Variants in BMPR2 observed in about 807,000 individuals in gnomAD.
The protein encoded by BMPR2 is bone morphogenetic protein receptor type 2.
In BMPR2, 29 loss-of-function variants were observed where a neutral mutation model predicts 100.8. That is an observed-to-expected ratio of 0.29 (90% CI 0.21 to 0.39). The LOEUF (loss-of-function observed/expected upper bound fraction) is 0.39, where lower values mean the gene tolerates loss of function less well. BMPR2 is among the 10% of genes least tolerant of loss of function. BMPR2 has a pLI of 1.00. For missense variants in BMPR2, 1,011 were observed against 1,274.5 expected (o/e 0.79, Z 3.15); for synonymous variants, 382 against 442.3 (o/e 0.86, Z 1.71).
chr2:202,528,590 T>A (rs894007384), intron 7 of BMPR2, among the ~76,000 whole-genome samples: 1 of 152,258 alleles, frequency 6.6e-6, no homozygotes, highest in Non-Finnish European at 1.5e-5. Context: ...CTACTGAACA[T>A]CATAGCTTAG....
chr2:202,505,681 A>T (rs750241370), intron 3 of BMPR2, among the ~76,000 whole-genome samples: 2 of 152,292 alleles, frequency 1.3e-5, no homozygotes, highest in South Asian at 4.1e-4. Context: ...CTGGCACTCT[A>T]TAACCACTTT....
intron 3 of BMPR2, among the ~76,000 whole-genome samples, chr2:202,511,902 T>A (rs1337250904): frequency 1.3e-5 from 2 of 151,700 alleles, no homozygotes; most frequent in African/African-American, 4.8e-5. Flanking sequence ...AAACCTATAA[T>A]CCCAGCAACT....
rs1385238204 is a variant in BMPR2 at position 202,562,812 on chromosome 2, A to T, written c.*2866A>T. On this transcript the variant is annotated 3_prime_UTR_variant, in exon 13 of 13. Transcript: ENST00000374580. ...AAAAATGATTTAATTGTAAATTCTTAAAACTTTCTAAATGCATAATTGGCA... is the reference window on the plus strand; with the variant it reads ...AAAAATGATTTAATTGTAAATTCTTTAAACTTTCTAAATGCATAATTGGCA... 5 of 151,572 alleles carry T rather than the reference A, an allele frequency of 3.3e-5. No homozygotes were observed. In the East Asian group the frequency reaches 5.8e-4, roughly 18 times the overall value. 9.4% of individuals were successfully genotyped at this position (151,572 alleles called of 1,614,324 possible).
At chr2:202,464,673 T>A (rs1287245977) in intron 1 of BMPR2, 136 bp from the exon 2 acceptor site, 17 of 821,542 alleles carry the variant, frequency 2.1e-5, no homozygotes, top group Non-Finnish European at 3.1e-5. Flanking sequence ...AATGTAAAAT[T>A]AGAAATTTAT....
intron 3 of BMPR2, among the ~76,000 whole-genome samples, chr2:202,499,227 G>T (rs906633362): frequency 6.6e-6 from 1 of 152,136 alleles, no homozygotes; most frequent in Non-Finnish European, 1.5e-5. Flanking sequence ...GTCCTACAGG[G>T]TCTAGGGCAA....
intron 2 of BMPR2, among the ~76,000 whole-genome samples, chr2:202,465,250 A>G (rs1288453578): frequency 4.6e-5 from 7 of 151,776 alleles, no homozygotes; most frequent in Non-Finnish European, 8.8e-5. Context: ...TTAGTCGGGT[A>G]TGGTGGTGTG....
At chr2:202,469,676 G>C (rs1296657688) in intron 3 of BMPR2, 2 of 154,670 alleles carry the variant, frequency 1.3e-5, no homozygotes, top group Non-Finnish European at 2.9e-5. Flanking sequence ...ATGGGGTTTC[G>C]CTATGTTGGC....
At chr2:202,423,366 T>C (rs1691309503) in intron 1 of BMPR2, among the ~76,000 whole-genome samples, 1 of 152,174 alleles carries the variant, frequency 6.6e-6, no homozygotes, top group African/African-American at 2.4e-5. Context: ...GAGAAGGAGA[T>C]CAGAACTTGG....
At chr2:202,386,039 C>G (rs1276899182) in intron 1 of BMPR2, among the ~76,000 whole-genome samples, 1 of 152,044 alleles carries the variant, frequency 6.6e-6, no homozygotes, top group Non-Finnish European at 1.5e-5. Context: ...ACTATTCTCT[C>G]TTGATTTTTC....
chr2:202,422,393 G>A (rs1345782933), intron 1 of BMPR2, among the ~76,000 whole-genome samples: 9 of 152,012 alleles, frequency 5.9e-5, no homozygotes, highest in Non-Finnish European at 1.0e-4. Flanking sequence ...TGCAAACTCC[G>A]CCTCCCGGGT....
intron 10 of BMPR2, among the ~76,000 whole-genome samples, chr2:202,546,615 T>C (rs1440988735): frequency 6.6e-6 from 1 of 152,150 alleles, no homozygotes; most frequent in African/African-American, 2.4e-5. Flanking sequence ...TTTGTTTTTG[T>C]TTTTTTGAGA....
intron 10 of BMPR2, among the ~76,000 whole-genome samples, chr2:202,543,241 C>CATATATCTTTAT (rs1688313645): frequency 6.9e-6 from 1 of 144,888 alleles, no homozygotes; most frequent in African/African-American, 2.5e-5. Context: ...TATTTATATA[C>CATATATCTTTAT]ATATATATTT....
chr2:202,395,093 A>C (rs2105906242), intron 1 of BMPR2, among the ~76,000 whole-genome samples: 1 of 152,080 alleles, frequency 6.6e-6, no homozygotes. Flanking sequence ...CATATTGGCC[A>C]GGCTGGTCTT....
chr2:202,501,577 TGTA>T (rs1687395863), intron 3 of BMPR2, among the ~76,000 whole-genome samples: 1 of 152,162 alleles, frequency 6.6e-6, no homozygotes, highest in Non-Finnish European at 1.5e-5. Context: ...AGGAAATTGA[TGTA>T]GTAGCAAAAG....
Position 202,392,821 on chromosome 2 carries a change from C to T in BMPR2, c.76+15271C>T, listed in dbSNP as rs1385070282. 3.3e-5 allele frequency among the ~76,000 whole-genome samples: 5 copies of T among 151,828 alleles called. No homozygotes were observed. The South Asian group carries it at 6.2e-4, about 19-fold the overall frequency. On this transcript the variant is annotated intron_variant, in intron 1 of 12. Coordinates refer to ENST00000374580, the MANE Select transcript of BMPR2 (RefSeq NM_001204.7). ...CAGCCTGACCAACATGGAGAAACCC[C>T]GTCTCTACTAAAAATACAAAATTAG...
intron 1 of BMPR2, among the ~76,000 whole-genome samples, chr2:202,415,054 GA>G (rs1215992526): frequency 5.3e-5 from 8 of 152,134 alleles, no homozygotes; most frequent in African/African-American, 1.9e-4. Context: ...TGTGAAAACT[GA>G]GAGAGGTAAG....
chr2:202,420,731 G>A (rs71425939), intron 1 of BMPR2, among the ~76,000 whole-genome samples: 1 of 151,390 alleles, frequency 6.6e-6, no homozygotes, highest in Non-Finnish European at 1.5e-5. Flanking sequence ...AGTTTTAGTA[G>A]AGATGGGGTT....
chr2:202,394,110 G>A (rs1293075979), intron 1 of BMPR2, among the ~76,000 whole-genome samples: 2 of 152,132 alleles, frequency 1.3e-5, no homozygotes, highest in Admixed American at 1.3e-4. Context: ...AGCACTTTGG[G>A]AGGATGAGGC....
At position 202,565,612 on chromosome 2, in the gene BMPR2, T is replaced by C. The variant is rs1221402038; in HGVS notation, c.*5666T>C. 6.6e-6 allele frequency: 1 copy of C among 152,608 alleles called. No homozygotes were observed. Among genetic ancestry groups the C allele is most frequent in the African/African-American group, 2.4e-5 (1 of 41,458 alleles). The allele number at this position is 152,608 out of a possible 1,614,324, so 9.5% of individuals were successfully genotyped here. ...TTTGCCATTAAAATTTTTTAACATATTGCAGCAAGCTTAGTTTTATGATTG... is the reference window on the plus strand; with the variant it reads ...TTTGCCATTAAAATTTTTTAACATACTGCAGCAAGCTTAGTTTTATGATTG... On this transcript the variant is annotated 3_prime_UTR_variant, in exon 13 of 13. Coordinates refer to ENST00000374580, the MANE Select transcript of BMPR2 (RefSeq NM_001204.7).
Sources: allele counts gnomAD v4.1 joint callset (sites outside exome capture counted in the v4.1 genomes callset), GRCh38; gene constraint gnomAD v4.1.1; transcripts MANE v1.5; gene names NCBI Gene and HGNC (gene_info 2026-07-23, HGNC 2026-07-21).